PUS7: variants seen among roughly 807,000 people sequenced by gnomAD.
PUS7 encodes the protein pseudouridylate synthase 7 homolog.
In PUS7, 48 loss-of-function variants were observed where a neutral mutation model predicts 79.8. The ratio of observed to expected loss-of-function variants is 0.60; its 90% confidence interval spans 0.48 to 0.76. The LOEUF is 0.76. Among genes scored for constraint, PUS7 ranks in the 30% least tolerant of loss-of-function variants. The probability of loss-of-function intolerance (pLI) is 0.00; values close to 1 mark genes in which losing one functional copy is unlikely to be tolerated. For missense variants in PUS7, 729 were observed against 797.6 expected (o/e 0.91, Z 1.04); for synonymous variants, 286 against 272.2 (o/e 1.05, Z -0.50).
chr7:105,490,477 A>C (rs2133171853), intron 7 of PUS7, among the ~76,000 whole-genome samples: 1 of 152,226 alleles, frequency 6.6e-6, no homozygotes, highest in South Asian at 2.1e-4. Flanking sequence ...CCCTCCCCAG[A>C]ATACGTCAAT....
At chr7:105,473,859 A>T (rs1020674314) in intron 9 of PUS7, among the ~76,000 whole-genome samples, 1 of 152,366 alleles carries the variant, frequency 6.6e-6, no homozygotes, top group Admixed American at 6.5e-5. Flanking sequence ...TGGCCTATAT[A>T]TGCTTTCAAA....
Position 105,482,372 on chromosome 7 carries a change from T to A in PUS7, c.989A>T (p.Tyr330Phe). ...LMNFKLGNFS[Y>F]QKNPLKLGEL... ...TCCCAATTTCAGTGGGTTTTTTTGA[T>A]AGCTGAAATTCCCTAGCTTAAAGTT... is the stretch of plus-strand genomic sequence containing the variant. Residue 330 changes from tyrosine (Y) to phenylalanine (F), a missense_variant, in exon 8 of 16, where the codon TAT becomes TTT. Coordinates refer to ENST00000469408, the MANE Select transcript of PUS7 (RefSeq NM_019042.5). 1 of 1,611,794 alleles carries A rather than the reference T, an allele frequency of 6.2e-7. No homozygotes were observed. Among genetic ancestry groups the A allele is most frequent in the Non-Finnish European group, 8.5e-7 (1 of 1,178,634 alleles).
At chr7:105,469,075 G>T (rs955349471) in intron 11 of PUS7, among the ~76,000 whole-genome samples, 11 of 147,602 alleles carry the variant, frequency 7.5e-5, no homozygotes, top group Non-Finnish European at 1.3e-4. Flanking sequence ...CTAGTTCTTT[G>T]AATTTTCTTT....
Position 105,482,416 on chromosome 7 carries a change from G to A in PUS7, c.945C>T (p.His315=), listed in dbSNP as rs1562799067. The A allele has an allele frequency of 1.9e-6, 3 of 1,610,052 alleles. No individual in the cohort carries two copies. The highest frequency in any genetic ancestry group is 2.5e-6 in the Non-Finnish European group (3 of 1,177,938). The change falls in exon 8 of 16, where the codon CAC becomes CAT. Residue 315 remains histidine, a synonymous_variant. Transcript: ENST00000469408. ...VLKITAQRLA[H]LNKCLMNFKL... is the part of the protein sequence containing the mutation. Reference sequence around the variant, plus strand: ...TAAAGTTCATCAAGCACTTATTCAGGTGGGCAAGTCTTTGTGCAGTTATTC... The same window carrying A: ...TAAAGTTCATCAAGCACTTATTCAGATGGGCAAGTCTTTGTGCAGTTATTC...
At chr7:105,510,264 C>G (rs1051317285) in intron 1 of PUS7, among the ~76,000 whole-genome samples, 1 of 151,890 alleles carries the variant, frequency 6.6e-6, no homozygotes, top group Admixed American at 6.6e-5. Flanking sequence ...TGTGCCTTTG[C>G]ACTCCAGCCT....
intron 8 of PUS7, 119 bp downstream of exon 8, chr7:105,482,193 G>T: frequency 8.2e-7 from 1 of 1,221,016 alleles, no homozygotes; most frequent in Non-Finnish European, 1.2e-6. Flanking sequence ...GCCCTCCCTT[G>T]CTGCCACTCC....
chr7:105,467,241 T>C (rs1224161840), intron 12 of PUS7, among the ~76,000 whole-genome samples: 2 of 151,846 alleles, frequency 1.3e-5, no homozygotes, highest in African/African-American at 4.8e-5. Flanking sequence ...TGGGAACATT[T>C]TGGGCATAGC....
chr7:105,460,238 G>A (rs916357521), intron 14 of PUS7, among the ~76,000 whole-genome samples: 3 of 151,962 alleles, frequency 2.0e-5, no homozygotes, highest in African/African-American at 4.8e-5. Context: ...GTGCCCAGCC[G>A]ACAATTCTTT....
chr7:105,471,985 T>A, intron 10 of PUS7, 147 bp downstream of exon 10: 1 of 540,742 alleles, frequency 1.8e-6, no homozygotes, highest in South Asian at 2.5e-5. Context: ...TGTTGAAAAA[T>A]ATAAATAAAC....
chr7:105,506,359 A>G (rs1309273510), intron 2 of PUS7, 86 bp from the exon 3 acceptor site: 1 of 908,974 alleles, frequency 1.1e-6, no homozygotes, highest in Non-Finnish European at 1.7e-6. Flanking sequence ...AGCAAGCCTT[A>G]CTATTATGCA....
chr7:105,519,961 T>C (rs1427531011), intron 1 of PUS7, among the ~76,000 whole-genome samples: 2 of 152,168 alleles, frequency 1.3e-5, no homozygotes, highest in Non-Finnish European at 2.9e-5. Flanking sequence ...GATTGTTCTC[T>C]CTCTCTCCTA....
chr7:105,497,010 T>C, intron 5 of PUS7: 1 of 1,180,878 alleles, frequency 8.5e-7, no homozygotes, highest in Non-Finnish European at 1.1e-6. Context: ...AAAAGAGCAA[T>C]GTTTAATTTA....
intron 5 of PUS7, among the ~76,000 whole-genome samples, chr7:105,499,328 T>C (rs1205022426): frequency 1.3e-5 from 2 of 152,190 alleles, no homozygotes; most frequent in Non-Finnish European, 2.9e-5. Flanking sequence ...TCTTTGTACC[T>C]GTCTAGCTCT....
intron 1 of PUS7, among the ~76,000 whole-genome samples, chr7:105,510,668 C>T (rs1825667186): frequency 6.6e-6 from 1 of 151,940 alleles, no homozygotes; most frequent in Non-Finnish European, 1.5e-5. Flanking sequence ...CGTGTACCAC[C>T]ACGCCTGGCT....
In PUS7 at chr7:105,478,174, T is replaced by C. The variant is rs1824184430; in HGVS notation, c.1175+2878A>G. Among the ~76,000 whole-genome samples the C allele has an allele frequency of 2.0e-5, 3 of 152,228 alleles. No homozygotes were observed. The South Asian group carries it at 6.2e-4, about 32-fold the overall frequency. Reference sequence around the variant, plus strand: ...GTATCAGTACTTCATTCCTTTTTATTGCTAAGTAATATTCCACTGTATATT... The same window carrying C: ...GTATCAGTACTTCATTCCTTTTTATCGCTAAGTAATATTCCACTGTATATT... On this transcript the variant is annotated intron_variant, in intron 9 of 15. Transcript: ENST00000469408.
intron 1 of PUS7, among the ~76,000 whole-genome samples, chr7:105,515,258 G>C (rs1372688289): frequency 6.6e-6 from 1 of 152,084 alleles, no homozygotes; most frequent in Non-Finnish European, 1.5e-5. Flanking sequence ...TCAAATTGCT[G>C]TAACTATGTG....
At chr7:105,497,053 A>G (rs1340443791) in intron 5 of PUS7, 30 of 1,025,950 alleles carry the variant, frequency 2.9e-5, no homozygotes, top group Non-Finnish European at 3.7e-5. Flanking sequence ...TGAACATGCA[A>G]ATGATCGCAT....
At chr7:105,510,599 C>T (rs542589943) in intron 1 of PUS7, among the ~76,000 whole-genome samples, 12 of 152,134 alleles carry the variant, frequency 7.9e-5, no homozygotes, top group Non-Finnish European at 1.5e-4. Context: ...CTGCAACCTC[C>T]ACCTCCTGGG....
intron 7 of PUS7, among the ~76,000 whole-genome samples, chr7:105,484,134 G>T (rs1428701614): frequency 6.6e-6 from 1 of 152,124 alleles, no homozygotes; most frequent in East Asian, 1.9e-4. Flanking sequence ...CACTCTAAGA[G>T]TCTCTTTGTC....
Sources: allele counts gnomAD v4.1 joint callset (sites outside exome capture counted in the v4.1 genomes callset), GRCh38; gene constraint gnomAD v4.1.1; transcripts MANE v1.5; gene names NCBI Gene and HGNC (gene_info 2026-07-23, HGNC 2026-07-21).